ASB4: variants seen among roughly 807,000 people sequenced by gnomAD.
ASB4 encodes ankyrin repeat and SOCS box protein 4.
ASB4 carries 35 observed loss-of-function variants against 38.6 expected under a neutral mutation model. The ratio of observed to expected loss-of-function variants is 0.91; its 90% CI spans 0.69 to 1.20. The LOEUF (loss-of-function observed/expected upper bound fraction) is 1.20. Ranked by LOEUF, ASB4 falls within the 50% of genes most tolerant of loss-of-function variation. ASB4 has a pLI of 0.00. For synonymous variants in ASB4, 195 were observed against 201.3 expected, an observed-to-expected ratio of 0.97 and a Z score of 0.26; for missense variants, 557 against 527.2, an observed-to-expected ratio of 1.06 and a Z score of -0.55.
intron 2 of ASB4, among the ~76,000 whole-genome samples, chr7:95,521,390 A>G (rs887251023): frequency 6.6e-6 from 1 of 152,106 alleles, no homozygotes; most frequent in Non-Finnish European, 1.5e-5. Flanking sequence ...TCAAAATACC[A>G]TTTAATTGGC....
At position 95,539,372 on chromosome 7, in the gene ASB4, T is replaced by C. The variant is rs761717446; in HGVS notation, c.*1613T>C. 2.6e-5 allele frequency: 4 copies of C among 152,232 alleles called. No individual in the cohort carries two copies. The highest frequency in any genetic ancestry group is 5.9e-5 in the Non-Finnish European group (4 of 68,042). 9.4% of individuals were successfully genotyped at this position (152,232 alleles called of 1,614,324 possible). On this transcript the variant is annotated 3_prime_UTR_variant, in exon 5 of 5. Coordinates refer to ENST00000325885, the MANE Select transcript of ASB4 (RefSeq NM_016116.3). ...TCCCAGGGCTGTGTAAGAAAAGTCA[T>C]AGGTGGATACAATAATCTCTTTTAA...
At chr7:95,471,786 A>C in the ASB4 span, 1 of 151,840 alleles carries the variant, frequency 6.6e-6, no homozygotes, top group Non-Finnish European at 1.5e-5. Flanking sequence ...TAACACCTCC[A>C]GAGCATTTGC....
At chr7:95,489,079 C>A (rs1790134653) in intron 1 of ASB4, among the ~76,000 whole-genome samples, 1 of 151,886 alleles carries the variant, frequency 6.6e-6, no homozygotes, top group African/African-American at 2.4e-5. Flanking sequence ...AAATTTTATC[C>A]CTAAATATAG....
At position 95,527,998 on chromosome 7, in the gene ASB4, C is replaced by CAGG. The variant is rs1327961072; in HGVS notation, c.676_678dup (p.Glu226dup). On this transcript the variant is annotated inframe_insertion, in exon 3 of 5. Coordinates refer to ENST00000325885, the MANE Select transcript of ASB4 (RefSeq NM_016116.3). Reference sequence around the variant, plus strand: ...CTACTGGGCCCTCCGCTTTAAGGAGCAGGAGTACAGCACGGAGCACCACCT... The same window carrying CAGG: ...CTACTGGGCCCTCCGCTTTAAGGAGCAGGAGGAGTACAGCACGGAGCACCACCT... 6.2e-7 allele frequency: 1 copy of CAGG among 1,614,140 alleles called. No individual in the cohort carries two copies. The highest frequency in any genetic ancestry group is 1.1e-5 in the South Asian group (1 of 91,082).
chr7:95,500,470 G>T (rs1790318921), intron 2 of ASB4, among the ~76,000 whole-genome samples: 1 of 150,030 alleles, frequency 6.7e-6, no homozygotes, highest in Admixed American at 6.7e-5. Flanking sequence ...AAAGGCTGAG[G>T]CAGGAGAATT....
the ASB4 span, among the ~76,000 whole-genome samples, chr7:95,546,163 ATTATTATAGTCCCACCCT>A: frequency 1.3e-5 from 2 of 152,186 alleles, no homozygotes; most frequent in South Asian, 2.1e-4. Flanking sequence ...AATTGCAATT[ATTATTATAGTCCCACCCT>A]GCTTGAATTC....
At chr7:95,543,825 G>A (rs1791000084), downstream of ASB4, 2 of 152,052 alleles carry the variant, frequency 1.3e-5, no homozygotes, top group African/African-American at 2.4e-5. Context: ...AAGCACCATG[G>A]GGAATCAATG....
intron 1 of ASB4, among the ~76,000 whole-genome samples, chr7:95,495,121 T>C (rs960295207): frequency 7.9e-5 from 12 of 152,242 alleles, no homozygotes; most frequent in Non-Finnish European, 1.5e-4. Flanking sequence ...CCTTATTTTC[T>C]AAATCGTTTA....
Position 95,537,722 on chromosome 7 carries a change from A to C in ASB4, c.1244A>C (p.Lys415Thr). Residue 415 changes from lysine (K) to threonine (T), a missense_variant, in exon 5 of 5, where the codon AAG (lysine) becomes ACG (threonine). Lys to Thr is a moderately conservative substitution (Grantham distance 78, BLOSUM62 -1). Coordinates refer to ENST00000325885, the MANE Select transcript of ASB4 (RefSeq NM_016116.3). ...CTTTCCCTCCCATTGTCATTGAAAA[A>C]GTACTTGCTTTTAGAGCCAGAGGGA... Reference protein sequence around the residue: ...PLLSLPLSLKKYLLLEPEGII... With the variant: ...PLLSLPLSLKTYLLLEPEGII... The C allele has an allele frequency of 6.2e-7, 1 of 1,613,900 alleles. No homozygotes were observed. Among genetic ancestry groups the C allele is most frequent in the African/African-American group, 1.3e-5 (1 of 75,042 alleles).
intron 1 of ASB4, 95 bp from the exon 2 acceptor site, chr7:95,495,663 C>G (rs1420575003): frequency 1.5e-6 from 2 of 1,303,430 alleles, no homozygotes; most frequent in Non-Finnish European, 2.1e-6. Context: ...ATAAATGTGG[C>G]CAAAATAAAA....
At chr7:95,536,625 T>C in intron 4 of ASB4, 75 bp downstream of exon 4, 1 of 1,127,464 alleles carries the variant, frequency 8.9e-7, no homozygotes, top group South Asian at 1.5e-5. Flanking sequence ...CAGAAAATTG[T>C]AACAAAAAAG....
At chr7:95,526,159 A>C (rs562686322) in intron 2 of ASB4, among the ~76,000 whole-genome samples, 1 of 152,338 alleles carries the variant, frequency 6.6e-6, no homozygotes, top group South Asian at 2.1e-4. Flanking sequence ...AACAGTGATA[A>C]GGAATTTCGA....
chr7:95,539,660 C>T lies in ASB4; in HGVS notation c.*1901C>T. The T allele has an allele frequency of 6.5e-6, 1 of 153,054 alleles. No individual in the cohort carries two copies. The highest frequency in any genetic ancestry group is 6.5e-5 in the Admixed American group (1 of 15,308). 9.5% of individuals were successfully genotyped at this position (153,054 alleles called of 1,614,324 possible). Reference sequence around the variant, plus strand: ...GAAAGTGAAATACCATATGTTCTCACTTATAAGTGGGAGCTAAGCAATGAG... The same window carrying T: ...GAAAGTGAAATACCATATGTTCTCATTTATAAGTGGGAGCTAAGCAATGAG... On this transcript the variant is annotated 3_prime_UTR_variant, in exon 5 of 5. Coordinates refer to ENST00000325885, the MANE Select transcript of ASB4 (RefSeq NM_016116.3).
At chr7:95,520,762 A>G (rs570840688) in intron 2 of ASB4, among the ~76,000 whole-genome samples, 1 of 150,416 alleles carries the variant, frequency 6.6e-6, no homozygotes, top group Admixed American at 6.7e-5. Context: ...ACCTGTCATT[A>G]CAGATGCTTT....
chr7:95,513,374 T>G (rs1166328229), intron 2 of ASB4, among the ~76,000 whole-genome samples: 1 of 146,166 alleles, frequency 6.8e-6, no homozygotes, highest in Non-Finnish European at 1.5e-5. Context: ...AGGAATTGGC[T>G]CATGCAATGT....
intron 2 of ASB4, among the ~76,000 whole-genome samples, chr7:95,515,217 CTTTCTTTCT>C (rs1562817006): frequency 2.6e-5 from 3 of 113,540 alleles, no homozygotes; most frequent in Non-Finnish European, 5.3e-5. Context: ...TTCTTTCTTT[CTTTCTTTCT>C]TTCTTTTTCT....
chr7:95,532,754 G>A (rs1396807212), intron 3 of ASB4, among the ~76,000 whole-genome samples: 1 of 152,118 alleles, frequency 6.6e-6, no homozygotes, highest in African/African-American at 2.4e-5. Flanking sequence ...TGCTTTTGGG[G>A]GTTGGATGGT....
rs145428530 is a variant in ASB4 at position 95,478,852 on chromosome 7, C to A, written n.157+252C>A. Among the ~76,000 whole-genome samples the A allele has an allele frequency of 2.0e-5, 3 of 152,302 alleles. No individual in the cohort carries two copies. The East Asian group carries it at 5.8e-4, about 29-fold the overall frequency. Reference sequence around the variant, plus strand: ...ACAGATTTTATGTTAAACACACATGCTCCCAGTATGTAATTACAATTGAGA... The same window carrying A: ...ACAGATTTTATGTTAAACACACATGATCCCAGTATGTAATTACAATTGAGA... On this transcript the variant is annotated intron_variant and non_coding_transcript_variant, in intron 1 of 1. Coordinates refer to the ASB4 transcript ENST00000257621.
chr7:95,537,917 T>C lies in ASB4; in HGVS notation c.*158T>C. 1.6e-6 allele frequency: 1 copy of C among 612,060 alleles called. No individual in the cohort carries two copies. Among genetic ancestry groups the C allele is most frequent in the Middle Eastern group, 4.5e-4 (1 of 2,230 alleles). The allele number at this position is 612,060 out of a possible 1,614,324, so 37.9% of individuals were successfully genotyped here. On this transcript the variant is annotated 3_prime_UTR_variant, in exon 5 of 5. Transcript: ENST00000325885. ...CCATTAATCCTAGAATATCATGGTA[T>C]GGGGAAATAAAGAAGAAGTAAAGTT...
Sources: allele counts gnomAD v4.1 joint callset (sites outside exome capture counted in the v4.1 genomes callset), GRCh38; gene constraint gnomAD v4.1.1; transcripts MANE v1.5; gene names NCBI Gene and HGNC (gene_info 2026-07-23, HGNC 2026-07-21).